The following GLT1D1 variants were observed in gnomAD, a reference collection of about 807,000 sequenced individuals.
GLT1D1 encodes glycosyltransferase 1 domain containing 1.
GLT1D1 carries 21 observed loss-of-function variants against 28.7 expected under a neutral mutation model. That is an observed-to-expected ratio of 0.73 (90% CI 0.52 to 1.05). GLT1D1 has a LOEUF of 1.05. GLT1D1 is among the 50% of genes least tolerant of loss of function. The probability of loss-of-function intolerance (pLI) is 0.00; values close to 1 mark genes in which losing one functional copy is unlikely to be tolerated. For missense variants in GLT1D1, 343 were observed against 330.6 expected, an observed-to-expected ratio of 1.04 and a Z score of -0.29; for synonymous variants, 147 against 124.8, an observed-to-expected ratio of 1.18 and a Z score of -1.19.
Position 128,984,105 on chromosome 12 carries a change from G to A in GLT1D1, c.*1015G>A, listed in dbSNP as rs1880578225. On this transcript the variant is annotated 3_prime_UTR_variant, in exon 8 of 8. Coordinates refer to ENST00000281703, the MANE Select transcript of GLT1D1 (RefSeq NM_144669.3). ...AATACTGAAATTGTTGCATGCCTGT[G>A]GATTCCTTACGACAATGGGGAACGC... is the stretch of plus-strand genomic sequence containing the variant. 3.3e-5 allele frequency: 5 copies of A among 152,298 alleles called. No individual in the cohort carries two copies. The South Asian group carries it at 1.0e-3, about 32-fold the overall frequency. The allele number at this position is 152,298 out of a possible 1,614,324, so 9.4% of individuals were successfully genotyped here. A position where few individuals can be genotyped will look rare whatever the true frequency, so the allele number is the denominator to read the frequency against.
intron 6 of GLT1D1, among the ~76,000 whole-genome samples, chr12:128,955,413 G>A (rs1463215043): frequency 6.6e-6 from 1 of 152,076 alleles, no homozygotes; most frequent in Non-Finnish European, 1.5e-5. Context: ...GCAGATAGGT[G>A]TCTTCTCCTG....
intron 5 of GLT1D1, among the ~76,000 whole-genome samples, chr12:128,946,347 T>TG (rs1876066956): frequency 6.6e-6 from 1 of 152,076 alleles, no homozygotes; most frequent in South Asian, 2.1e-4. Flanking sequence ...TCCATTCTTT[T>TG]TTGTTGTTGT....
chr12:128,879,466 T>TG lies in GLT1D1; in HGVS notation c.217+3411dup, dbSNP rs150155760. On this transcript the variant is annotated intron_variant, in intron 2 of 7. Coordinates refer to ENST00000281703, the MANE Select transcript of GLT1D1 (RefSeq NM_144669.3). The stretch of plus-strand genomic sequence containing the variant: ...TCTTTCTTTCTTTCTTTCTTTTTTT[T>TG]GGGGGGGTGGGCAGAGTCTCACTCT... 5.0e-5 allele frequency among the ~76,000 whole-genome samples: 5 copies of TG among 100,930 alleles called. No homozygotes were observed. In the South Asian group the frequency reaches 1.1e-3, roughly 22 times the overall value. 66.2% of individuals were successfully genotyped at this position (100,930 alleles called of 152,430 possible). A position where few individuals can be genotyped will look rare whatever the true frequency, so the allele number is the denominator to read the frequency against.
chr12:128,956,241 A>T (rs1240877856), intron 6 of GLT1D1, among the ~76,000 whole-genome samples: 2 of 151,422 alleles, frequency 1.3e-5, no homozygotes, highest in Non-Finnish European at 2.9e-5. Flanking sequence ...TAACCTACCA[A>T]GTATCATAGC....
At position 128,942,746 on chromosome 12, in the gene GLT1D1, TTTGTTTTTTG is replaced by T. The variant is rs1875470788; in HGVS notation, c.376-2577_376-2568del. On this transcript the variant is annotated intron_variant, in intron 4 of 7. Transcript: ENST00000281703. ...TTCCAATTTTCTTTGTTTGTTTGTT[TTTGTTTTTTG>T]TTTTTTTTTTTTGAGACAGAGTCTC... Among the ~76,000 whole-genome samples, 11 of 66,014 alleles carry T rather than the reference TTTGTTTTTTG, an allele frequency of 1.7e-4. 2 individuals carry two copies. Among genetic ancestry groups the T allele is most frequent in the Non-Finnish European group, 3.1e-4 (11 of 35,146 alleles). 43.3% of individuals were successfully genotyped at this position (66,014 alleles called of 152,430 possible). A position where few individuals can be genotyped will look rare whatever the true frequency, so the allele number is the denominator to read the frequency against.
At chr12:128,927,715 C>T (rs751060114) in intron 4 of GLT1D1, among the ~76,000 whole-genome samples, 15 of 151,490 alleles carry the variant, frequency 9.9e-5, no homozygotes, top group African/African-American at 1.5e-4. Flanking sequence ...CAGAGGAGTC[C>T]GGCTGGGCGC....
chr12:128,954,357 C>A (rs934636773), intron 6 of GLT1D1, among the ~76,000 whole-genome samples: 12 of 148,478 alleles, frequency 8.1e-5, no homozygotes, highest in African/African-American at 2.7e-4. Context: ...GTCTCGATCT[C>A]CTGACCTTGT....
intron 4 of GLT1D1, among the ~76,000 whole-genome samples, chr12:128,922,933 A>G (rs1470940025): frequency 9.2e-6 from 1 of 108,670 alleles, no homozygotes; most frequent in Non-Finnish European, 2.0e-5. Context: ...AAAAAAAAAA[A>G]AAAAAAAAAA....
Position 128,940,463 on chromosome 12 carries a change from A to G in GLT1D1, c.376-4863A>G, listed in dbSNP as rs145324052. Among the ~76,000 whole-genome samples the G allele has an allele frequency of 5.4e-3, 829 of 152,240 alleles. 11 individuals are homozygous for G. The highest frequency in any genetic ancestry group is 0.019 in the African/African-American group (789 of 41,550). Reference sequence around the variant, plus strand: ...GCAGAGAGGTCCGTTAATGTGCATGAGGCTAGTTTGGTGCCTGGGTGGCCT... The same window carrying G: ...GCAGAGAGGTCCGTTAATGTGCATGGGGCTAGTTTGGTGCCTGGGTGGCCT... On this transcript the variant is annotated intron_variant, in intron 4 of 7. Transcript: ENST00000281703.
chr12:128,928,142 T>A (rs1873473462), intron 4 of GLT1D1, among the ~76,000 whole-genome samples: 1 of 152,090 alleles, frequency 6.6e-6, no homozygotes, highest in African/African-American at 2.4e-5. Flanking sequence ...TTATGTGTGA[T>A]CCAAATTGTC....
chr12:128,963,233 T>C (rs1231327369), intron 7 of GLT1D1, among the ~76,000 whole-genome samples: 1 of 152,178 alleles, frequency 6.6e-6, no homozygotes, highest in Non-Finnish European at 1.5e-5. Context: ...AGTGTCCTCC[T>C]CGCTCCTGAC....
chr12:128,926,315 C>A, intron 4 of GLT1D1, 44 bp from the exon 7 acceptor site: 1 of 1,027,666 alleles, frequency 9.7e-7, no homozygotes, highest in South Asian at 1.4e-5. Flanking sequence ...CTGCAGCATC[C>A]AGAGCCCTCC....
intron 4 of GLT1D1, 66 bp downstream of exon 5, chr12:128,912,526 G>C (rs1170665973): frequency 1.4e-6 from 1 of 738,468 alleles, no homozygotes; most frequent in Non-Finnish European, 2.1e-6. Context: ...CAAAATAGAT[G>C]CATATTTATA....
chr12:128,900,810 A>G (rs1870167740), intron 4 of GLT1D1, among the ~76,000 whole-genome samples: 1 of 151,858 alleles, frequency 6.6e-6, no homozygotes, highest in African/African-American at 2.4e-5. Flanking sequence ...TAATTTTTGT[A>G]TTTTTAGTAG....
At chr12:128,881,343 C>G (rs1957036597) in intron 2 of GLT1D1, among the ~76,000 whole-genome samples, 1 of 148,006 alleles carries the variant, frequency 6.8e-6, no homozygotes, top group African/African-American at 2.5e-5. Flanking sequence ...TTAGCCTGGC[C>G]CGCATGGTGA....
At position 128,937,940 on chromosome 12, in the gene GLT1D1, G is replaced by T. The variant is rs150330738; in HGVS notation, c.376-7386G>T. ...TCTTGGATGTGTCTTTATTAACAGT[G>T]CGAGAACAGACGAATACGGACACGG... On this transcript the variant is annotated intron_variant, in intron 4 of 7. Coordinates refer to ENST00000281703, the MANE Select transcript of GLT1D1 (RefSeq NM_144669.3). 8.0e-3 allele frequency among the ~76,000 whole-genome samples: 1,213 copies of T among 152,276 alleles called. 22 individuals are homozygous for T. The highest frequency in any genetic ancestry group is 0.028 in the African/African-American group (1,160 of 41,536).
At chr12:128,877,747 C>T (rs755915917) in intron 2 of GLT1D1, among the ~76,000 whole-genome samples, 21 of 152,156 alleles carry the variant, frequency 1.4e-4, no homozygotes, top group Non-Finnish European at 2.6e-4. Flanking sequence ...TAACAAATTA[C>T]CCCCTGCCCC....
chr12:128,960,055 C>T (rs767675493), intron 7 of GLT1D1, among the ~76,000 whole-genome samples: 1 of 152,102 alleles, frequency 6.6e-6, no homozygotes, highest in Non-Finnish European at 1.5e-5. Flanking sequence ...ATCGTGCCGC[C>T]GATGTATTCA....
chr12:128,858,974 A>G (rs1956294832), intron 1 of GLT1D1, among the ~76,000 whole-genome samples: 4 of 151,868 alleles, frequency 2.6e-5, no homozygotes. Flanking sequence ...CCTCCCCGCA[A>G]CCCCCATGCT....
Sources: allele counts gnomAD v4.1 joint callset (sites outside exome capture counted in the v4.1 genomes callset), GRCh38; gene constraint gnomAD v4.1.1; transcripts MANE v1.5; gene names NCBI Gene and HGNC (gene_info 2026-07-23, HGNC 2026-07-21).